HECW1: variants seen among roughly 807,000 people sequenced by gnomAD.
The protein encoded by HECW1 is HECT, C2 and WW domain containing E3 ubiquitin protein ligase 1, also known as E3 ubiquitin-protein ligase HECW1.
HECW1 carries 61 observed loss-of-function variants against 182.3 expected under a neutral mutation model. That is an observed-to-expected ratio of 0.33 (90% CI 0.27 to 0.41). The LOEUF is 0.41. Among genes scored for constraint, HECW1 ranks in the 10% least tolerant of loss-of-function variants. The pLI is 1.00. For synonymous variants in HECW1, 859 were observed against 832.6 expected, an observed-to-expected ratio of 1.03 and a Z score of -0.55; for missense variants, 1,739 against 2,108.9, an observed-to-expected ratio of 0.82 and a Z score of 3.44.
At position 43,493,131 on chromosome 7, in the gene HECW1, G is replaced by A; in HGVS notation, c.3388G>A (p.Glu1130Lys). The change falls in exon 19 of 30, where the codon GAA becomes AAA. Residue 1130 changes from glutamate (E) to lysine (K), a missense_variant. By Grantham distance (56) the Glu-to-Lys change is moderately conservative. Around this residue, in one of 5 missense-constraint regions of HECW1, gnomAD observed 971 missense variants for 1,029.1 expected, o/e 0.94. Coordinates refer to ENST00000395891, the MANE Select transcript of HECW1 (RefSeq NM_015052.5). ...VAFLRQPNIF[E>K]MLQERQPSLA... ...ATTTCTTCGCCAGCCAAACATTTTT[G>A]AAATGCTGCAAGAGCGTCAGCCAAG... The A allele has an allele frequency of 6.2e-7, 1 of 1,613,700 alleles. No individual in the cohort carries two copies. Among genetic ancestry groups the A allele is most frequent in the Non-Finnish European group, 8.5e-7 (1 of 1,179,842 alleles).
In HECW1 at chr7:43,508,140, C is replaced by T. The variant is rs1313013886; in HGVS notation, c.3866+9C>T. The T allele has an allele frequency of 1.9e-6, 3 of 1,599,758 alleles. No homozygotes were observed. Among genetic ancestry groups the T allele is most frequent in the Non-Finnish European group, 2.6e-6 (3 of 1,167,366 alleles). ...TTTGTTGGAGAGGAGGGGTGAGGCA[C>T]CAGGAGTTTTATGCAGACACCTAAG... On this transcript the variant is annotated intron_variant, in intron 23 of 29. Coordinates refer to ENST00000395891, the MANE Select transcript of HECW1 (RefSeq NM_015052.5).
At chr7:43,550,082 G>A (rs966446793) in intron 26 of HECW1, among the ~76,000 whole-genome samples, 1 of 151,230 alleles carries the variant, frequency 6.6e-6, no homozygotes, top group African/African-American at 2.4e-5. Flanking sequence ...GACTAGCCTG[G>A]GCAACATAGA....
intron 2 of HECW1, among the ~76,000 whole-genome samples, chr7:43,149,981 A>G (rs1789124967): frequency 6.6e-6 from 1 of 152,220 alleles, no homozygotes; most frequent in African/African-American, 2.4e-5. Context: ...TCTATTTCAT[A>G]GAATGTCCCT....
chr7:43,481,661 T>C (rs2078437955), intron 17 of HECW1, among the ~76,000 whole-genome samples: 1 of 152,118 alleles, frequency 6.6e-6, no homozygotes, highest in Admixed American at 6.5e-5. Context: ...TGCCATAACA[T>C]GTATGGCAAA....
chr7:43,331,993 G>A (rs755506533), intron 5 of HECW1, among the ~76,000 whole-genome samples: 14 of 152,166 alleles, frequency 9.2e-5, no homozygotes, highest in Non-Finnish European at 1.8e-4. Flanking sequence ...CTCTTGACTG[G>A]CTAGGGGTGG....
At chr7:43,206,433 C>G (rs1014517539) in intron 2 of HECW1, among the ~76,000 whole-genome samples, 1 of 152,208 alleles carries the variant, frequency 6.6e-6, no homozygotes, top group African/African-American at 2.4e-5. Flanking sequence ...CTCTTCTGCT[C>G]TCTATTGGAT....
intron 2 of HECW1, among the ~76,000 whole-genome samples, chr7:43,169,455 A>G (rs892930460): frequency 4.6e-5 from 7 of 152,124 alleles, no homozygotes; most frequent in Admixed American, 1.3e-4. Flanking sequence ...ATTGACGGAT[A>G]CCCCTGGGAG....
chr7:43,174,870 G>T (rs1792056135), intron 2 of HECW1, among the ~76,000 whole-genome samples: 1 of 152,042 alleles, frequency 6.6e-6, no homozygotes, highest in Admixed American at 6.6e-5. Context: ...GCCCCTAACA[G>T]CAACTCAGAT....
In HECW1 at chr7:43,380,648, C is replaced by T. The variant is rs778389368; in HGVS notation, c.556-16166C>T. Among the ~76,000 whole-genome samples the T allele has an allele frequency of 3.5e-4, 53 of 152,224 alleles. No individual in the cohort carries two copies. The South Asian group carries it at 7.1e-3, about 20-fold the overall frequency. On this transcript the variant is annotated intron_variant, in intron 6 of 29. Transcript: ENST00000395891. ...GTTCAAGCGATTCTCCTGCCTCAGC[C>T]TCCAAGTAGCTGGGATTACAGGCAC...
intron 3 of HECW1, among the ~76,000 whole-genome samples, chr7:43,307,657 A>G (rs1807753436): frequency 1.3e-5 from 2 of 152,112 alleles, no homozygotes; most frequent in African/African-American, 4.8e-5. Context: ...TGATGAGTCT[A>G]TAGTATATGC....
At chr7:43,504,225 GACTT>G (rs2079486126) in intron 21 of HECW1, among the ~76,000 whole-genome samples, 2 of 152,116 alleles carry the variant, frequency 1.3e-5, no homozygotes, top group East Asian at 3.8e-4. Flanking sequence ...CCAGTCTCTA[GACTT>G]TGTCTGCAAT....
intron 3 of HECW1, among the ~76,000 whole-genome samples, chr7:43,253,980 T>G (rs187245636): frequency 1.3e-5 from 2 of 152,236 alleles, no homozygotes; most frequent in Non-Finnish European, 1.5e-5. Flanking sequence ...GAAACAGGCT[T>G]AGAGAAGTGA....
chr7:43,178,601 G>A (rs1263409568), intron 2 of HECW1, among the ~76,000 whole-genome samples: 1 of 152,150 alleles, frequency 6.6e-6, no homozygotes, highest in East Asian at 1.9e-4. Flanking sequence ...ATTAGGCACT[G>A]GTCACTGTGC....
At chr7:43,188,195 A>G (rs1485901486) in intron 2 of HECW1, among the ~76,000 whole-genome samples, 1 of 152,134 alleles carries the variant, frequency 6.6e-6, no homozygotes, top group African/African-American at 2.4e-5. Context: ...CAAGTTGGAG[A>G]TGCCTGTACA....
At chr7:43,274,272 C>T (rs543181980) in intron 3 of HECW1, 20 of 1,003,688 alleles carry the variant, frequency 2.0e-5, no homozygotes, top group Non-Finnish European at 2.7e-5. Flanking sequence ...TAAATCATGT[C>T]GTCGCCAAGT....
chr7:43,488,053 T>G (rs995723449), intron 17 of HECW1, among the ~76,000 whole-genome samples: 2 of 151,710 alleles, frequency 1.3e-5, no homozygotes, highest in Non-Finnish European at 2.9e-5. Flanking sequence ...CTAAAGCCTG[T>G]AATCCCAGCA....
chr7:43,354,525 T>C (rs1353684187), intron 5 of HECW1, among the ~76,000 whole-genome samples: 1 of 151,988 alleles, frequency 6.6e-6, no homozygotes, highest in Non-Finnish European at 1.5e-5. Flanking sequence ...AAGTGAAAAA[T>C]TTATTACACG....
At chr7:43,272,866 A>G (rs1562766636) in intron 3 of HECW1, among the ~76,000 whole-genome samples, 1 of 152,222 alleles carries the variant, frequency 6.6e-6, no homozygotes, top group Admixed American at 6.5e-5. Context: ...AGACACAGGC[A>G]AATGCATGAT....
At chr7:43,555,488 G>A (rs1305825357) in intron 29 of HECW1, among the ~76,000 whole-genome samples, 2 of 152,180 alleles carry the variant, frequency 1.3e-5, no homozygotes, top group East Asian at 1.9e-4. Flanking sequence ...AGTGAGAAAC[G>A]CTGCTGCAAC....
Sources: gnomAD v4.1 joint callset for allele counts (sites outside exome capture counted in the v4.1 genomes callset) on GRCh38, gnomAD v4.1.1 for gene constraint, gnomAD v4.1.1 regional missense constraint, MANE v1.5 for transcripts, NCBI Gene and HGNC (gene_info 2026-07-23, HGNC 2026-07-21) for gene names.